DOT1L: variants seen among roughly 807,000 people sequenced by gnomAD.
DOT1L encodes DOT1 like histone lysine methyltransferase.
A neutral mutation model predicts 153.3 loss-of-function variants in DOT1L; 33 were observed. The ratio of observed to expected loss-of-function variants is 0.22; its 90% CI spans 0.16 to 0.29. DOT1L has a LOEUF of 0.29. Ranked by LOEUF, DOT1L falls within the 10% of genes least tolerant of loss-of-function variation. The pLI, the probability that DOT1L is intolerant of heterozygous loss-of-function variation, is 1.00. For missense variants in DOT1L, 1,847 were observed against 2,119.9 expected (o/e 0.87, Z 2.53); for synonymous variants, 1,135 against 965.1 (o/e 1.18, Z -3.26).
rs546724248 is a variant in DOT1L at position 2,231,919 on chromosome 19, G to A, written c.*2127G>A. The A allele has an allele frequency of 9.2e-6, 2 of 217,926 alleles. No individual in the cohort carries two copies. The highest frequency in any genetic ancestry group is 1.8e-5 in the Non-Finnish European group (2 of 108,350). The allele number at this position is 217,926 out of a possible 1,614,324, so 13.5% of individuals were successfully genotyped here. A position where few individuals can be genotyped will look rare whatever the true frequency, so the allele number is the denominator to read the frequency against. On this transcript the variant is annotated 3_prime_UTR_variant, in exon 28 of 28. Coordinates refer to ENST00000398665, the MANE Select transcript of DOT1L (RefSeq NM_032482.3). Reference sequence around the variant, plus strand: ...CTCAGAGCCACTGGCCCAGGCAGAAGTCTCCTTGAGCCCACTGGGTCATAT... The same window carrying A: ...CTCAGAGCCACTGGCCCAGGCAGAAATCTCCTTGAGCCCACTGGGTCATAT...
chr19:2,223,210 G>GC, intron 24 of DOT1L, 71 bp from the exon 25 acceptor site: 1 of 1,546,958 alleles, frequency 6.5e-7, no homozygotes, highest in South Asian at 1.2e-5. Flanking sequence ...GCCTCCTGGG[G>GC]CGGGGGGGCT....
At chr19:2,183,644 T>A (rs2022348731) in intron 2 of DOT1L, among the ~76,000 whole-genome samples, 1 of 149,352 alleles carries the variant, frequency 6.7e-6, no homozygotes, top group Non-Finnish European at 1.5e-5. Context: ...TTTTTTTTTT[T>A]AAGGCGGAGT....
intron 27 of DOT1L, chr19:2,228,932 CCCTG>C (rs1228767094): frequency 2.0e-6 from 2 of 985,298 alleles, no homozygotes; most frequent in African/African-American, 3.5e-5. Context: ...GCCCCAAGTG[CCCTG>C]CCTGCCTGGG....
intron 18 of DOT1L, 168 bp from the exon 19 acceptor site, chr19:2,214,303 A>T: frequency 8.2e-7 from 1 of 1,224,258 alleles, no homozygotes; most frequent in Middle Eastern, 2.9e-4. Flanking sequence ...GGGGGGCCCC[A>T]GTCTCCGCGT....
At chr19:2,213,010 G>C (rs1348286752) in intron 16 of DOT1L, 1 of 152,450 alleles carries the variant, frequency 6.6e-6, no homozygotes, top group Non-Finnish European at 1.5e-5. Flanking sequence ...AAAGCTTACA[G>C]CGTGCTTTGA....
chr19:2,209,059 C>T (rs1176929411), intron 12 of DOT1L, 83 bp downstream of exon 12: 11 of 1,498,174 alleles, frequency 7.3e-6, no homozygotes, highest in Non-Finnish European at 1.0e-5. Flanking sequence ...CAGCCGGGTT[C>T]AGGAGCCACG....
At chr19:2,186,570 CAG>C (rs2022516653) in intron 3 of DOT1L, among the ~76,000 whole-genome samples, 1 of 152,240 alleles carries the variant, frequency 6.6e-6, no homozygotes, top group Admixed American at 6.5e-5. Context: ...CCCCTCTCCA[CAG>C]AGAGTCAAGC....
rs2022901723 is a variant in DOT1L, at chr19:2,193,882, T to C, written c.588+99T>C. Reference sequence around the variant, plus strand: ...ACCCCACTGCTGTGGGACTTCCGAGTCTGGGTGGCGTTCTTTCCAGGCCCA... The same window carrying C: ...ACCCCACTGCTGTGGGACTTCCGAGCCTGGGTGGCGTTCTTTCCAGGCCCA... On this transcript the variant is annotated intron_variant, in intron 6 of 27. Coordinates refer to ENST00000398665, the MANE Select transcript of DOT1L (RefSeq NM_032482.3). This position sits in a 1 kb window ranked among gnomAD's most constrained non-coding sequence, Gnocchi z 5.9. 1 of 1,289,380 alleles carries C rather than the reference T, an allele frequency of 7.8e-7. No individual in the cohort carries two copies. The highest frequency in any genetic ancestry group is 1.1e-6 in the Non-Finnish European group (1 of 927,900). The allele number at this position is 1,289,380 out of a possible 1,614,324, so 79.9% of individuals were successfully genotyped here. A position where few individuals can be genotyped will look rare whatever the true frequency, so the allele number is the denominator to read the frequency against.
intron 5 of DOT1L, among the ~76,000 whole-genome samples, chr19:2,192,527 G>A (rs1173386891): frequency 6.6e-6 from 1 of 151,886 alleles, no homozygotes; most frequent in African/African-American, 2.4e-5. Context: ...ACAAAAATCA[G>A]TTGGGTGTGG....
At chr19:2,198,054 C>T (rs2023092949) in intron 7 of DOT1L, among the ~76,000 whole-genome samples, 1 of 152,172 alleles carries the variant, frequency 6.6e-6, no homozygotes, top group Admixed American at 6.5e-5. Context: ...ATTTCAGACT[C>T]CAGAGGGAAG....
rs541820785 is a variant in DOT1L at position 2,219,303 on chromosome 19, C to T, written c.2692-805C>T. 5.4e-4 allele frequency among the ~76,000 whole-genome samples: 82 copies of T among 152,266 alleles called. 1 individual carries two copies. Among genetic ancestry groups the T allele is most frequent in the African/African-American group, 1.8e-3 (75 of 41,530 alleles). ...GATTCCAAGTGTCAGCCCCCGTGCC[C>T]GGCCGGTTTTTTGTACTTTTATACA... On this transcript the variant is annotated intron_variant, in intron 22 of 27. Transcript: ENST00000398665.
Position 2,163,953 on chromosome 19 carries a change from G to C in DOT1L, c.-232G>C, listed in dbSNP as rs1464200565. 3.3e-5 allele frequency among the ~76,000 whole-genome samples: 5 copies of C among 149,700 alleles called. No individual in the cohort carries two copies. Among genetic ancestry groups the C allele is most frequent in the Non-Finnish European group, 7.5e-5 (5 of 66,980 alleles). The stretch of plus-strand genomic sequence containing the variant: ...GGCTCATTGTGCTCGCTTCACGCCG[G>C]CCCAAGATGGCGGAGGCGCTGGAGG... On this transcript the variant is annotated 5_prime_UTR_variant, in exon 1 of 28. Transcript: ENST00000398665.
chr19:2,226,114 C>T, intron 26 of DOT1L, 69 bp from the exon 27 acceptor site: 1 of 1,458,756 alleles, frequency 6.9e-7, no homozygotes, highest in Non-Finnish European at 9.0e-7. Flanking sequence ...GGCAGCAGCC[C>T]CGGTTAGCCT....
chr19:2,164,496 C>G (rs990738124), intron 1 of DOT1L: 5 of 316,280 alleles, frequency 1.6e-5, no homozygotes, highest in Non-Finnish European at 2.9e-5. Flanking sequence ...CCGGCGCCCC[C>G]GAGCCCTACC....
rs745891015 is a variant in DOT1L, at chr19:2,211,142, G to A, written c.1395G>A (p.Pro465=). ...SPHSPFYQLP[P]SVQRHSPNPL... ...ACAGCCCGTTCTACCAGCTACCTCCGAGCGTGCAGCGGCACTCCCCCAACC... is the reference window on the plus strand; with the variant it reads ...ACAGCCCGTTCTACCAGCTACCTCCAAGCGTGCAGCGGCACTCCCCCAACC... The change falls in exon 15 of 28, where the codon CCG becomes CCA. Residue 465 remains proline, a synonymous_variant. Coordinates refer to ENST00000398665, the MANE Select transcript of DOT1L (RefSeq NM_032482.3). 3.1e-6 allele frequency: 5 copies of A among 1,612,972 alleles called. No homozygotes were observed. In the East Asian group the frequency reaches 6.7e-5, roughly 22 times the overall value.
At position 2,208,252 on chromosome 19, in the gene DOT1L, G is replaced by C. The variant is rs1842957551; in HGVS notation, c.963+572G>C. On this transcript the variant is annotated intron_variant, in intron 11 of 27. Coordinates refer to ENST00000398665, the MANE Select transcript of DOT1L (RefSeq NM_032482.3). The surrounding 1 kb of genome is among the most constrained non-coding windows in gnomAD (Gnocchi z 4.4). ...GGCAGCGCCAGCCCTCCAGGGCTGG[G>C]AGGCTTCCCCTGGTCTCTTTCCCGT... Among the ~76,000 whole-genome samples the C allele has an allele frequency of 6.6e-6, 1 of 152,188 alleles. No homozygotes were observed. The highest frequency in any genetic ancestry group is 2.4e-5 in the African/African-American group (1 of 41,446).
intron 27 of DOT1L, 183 bp downstream of exon 27, chr19:2,227,310 G>A (rs2024394004): frequency 3.7e-6 from 3 of 815,258 alleles, no homozygotes; most frequent in East Asian, 2.6e-5. Flanking sequence ...GGCTCACGCT[G>A]AGTCCGTGTG....
rs2144855882 is a variant in DOT1L, at chr19:2,214,587, G to A, written c.1914G>A (p.Leu638=). ...SQISEKQRHC[L]ELQISIVELE... is the part of the protein sequence containing the mutation. ...TCTCGGAGAAGCAGAGGCACTGCCT[G>A]GAGCTGCAGGTGGGCTGCGCGCGAG... Residue 638 remains leucine, a synonymous_variant, in exon 19 of 28, where the codon CTG becomes CTA. Coordinates refer to ENST00000398665, the MANE Select transcript of DOT1L (RefSeq NM_032482.3). 1 of 1,612,790 alleles carries A rather than the reference G, an allele frequency of 6.2e-7. No homozygotes were observed. The highest frequency in any genetic ancestry group is 8.5e-7 in the Non-Finnish European group (1 of 1,179,790).
At chr19:2,166,418 A>G (rs924250491) in intron 1 of DOT1L, among the ~76,000 whole-genome samples, 3 of 132,526 alleles carry the variant, frequency 2.3e-5, no homozygotes, top group African/African-American at 8.7e-5. Flanking sequence ...ATTTATATTT[A>G]TTTATTTTTT....
Sources: gnomAD v4.1 joint callset for allele counts (sites outside exome capture counted in the v4.1 genomes callset) on GRCh38, gnomAD v4.1.1 for gene constraint, Gnocchi (gnomAD v3.1) non-coding constraint, MANE v1.5 for transcripts, NCBI Gene and HGNC (gene_info 2026-07-23, HGNC 2026-07-21) for gene names.